The following PLD5 variants were observed in gnomAD, a reference collection of about 807,000 sequenced individuals.
PLD5 encodes inactive phospholipase D5.
In PLD5, 36 loss-of-function variants were observed where a neutral mutation model predicts 61.1. The ratio of observed to expected loss-of-function variants is 0.59; its 90% CI spans 0.45 to 0.78. The LOEUF (loss-of-function observed/expected upper bound fraction) is 0.78, where lower values mean the gene tolerates loss of function less well. Ranked by LOEUF, PLD5 falls within the 30% of genes least tolerant of loss-of-function variation. The probability of loss-of-function intolerance (pLI) is 0.00; values close to 1 mark genes in which losing one functional copy is unlikely to be tolerated. For missense variants in PLD5, 515 were observed against 644.4 expected, an observed-to-expected ratio of 0.80 and a Z score of 2.17; for synonymous variants, 243 against 242.8, an observed-to-expected ratio of 1.00 and a Z score of -0.01.
At chr1:242,297,909 G>A (rs1192354152) in intron 2 of PLD5, among the ~76,000 whole-genome samples, 4 of 152,056 alleles carry the variant, frequency 2.6e-5, no homozygotes, top group African/African-American at 9.7e-5. Context: ...AAAGTGCTGG[G>A]ATTACAGGCG....
intron 5 of PLD5, among the ~76,000 whole-genome samples, chr1:242,212,216 C>T (rs1415697139): frequency 6.6e-6 from 1 of 152,146 alleles, no homozygotes; most frequent in African/African-American, 2.4e-5. Flanking sequence ...GCCTAAGCCC[C>T]CTCCTCCAGT....
At chr1:242,368,766 T>C (rs1661477204) in intron 1 of PLD5, among the ~76,000 whole-genome samples, 1 of 152,222 alleles carries the variant, frequency 6.6e-6, no homozygotes, top group African/African-American at 2.4e-5. Context: ...TTTCCATTGG[T>C]GTAGCTGCAG....
intron 5 of PLD5, among the ~76,000 whole-genome samples, chr1:242,186,161 A>G (rs1158821363): frequency 3.8e-5 from 2 of 52,702 alleles, no homozygotes; most frequent in Non-Finnish European, 6.3e-5. Context: ...GTAAGGAATG[A>G]AGAGAGATAT....
intron 2 of PLD5, among the ~76,000 whole-genome samples, chr1:242,297,915 A>G (rs558039739): frequency 5.6e-4 from 85 of 152,248 alleles, no homozygotes; most frequent in Admixed American, 5.0e-3. Context: ...CTGGGATTAC[A>G]GGCGTGAGCC....
At chr1:242,454,896 A>G (rs1666899294) in intron 1 of PLD5, among the ~76,000 whole-genome samples, 1 of 152,196 alleles carries the variant, frequency 6.6e-6, no homozygotes, top group South Asian at 2.1e-4. Context: ...CCCTGGGACC[A>G]TCTATTTCTT....
chr1:242,341,637 C>G (rs1035666587), intron 2 of PLD5, among the ~76,000 whole-genome samples: 4 of 140,088 alleles, frequency 2.9e-5, no homozygotes, highest in Non-Finnish European at 6.2e-5. Context: ...ATCTAGGACA[C>G]TCCTTATTGG....
rs371385383 is a variant in PLD5, at chr1:242,419,166, G to A, written c.190-70924C>T. Among the ~76,000 whole-genome samples the A allele has an allele frequency of 3.3e-3, 496 of 152,330 alleles. 3 individuals carry two copies. Among genetic ancestry groups the A allele is most frequent in the African/African-American group, 0.011 (451 of 41,570 alleles). ...TAGACCCTCACGCCTCCAGGCGGGT[G>A]TGGCTCATGCTCAGTGTGGAGATGA... On this transcript the variant is annotated intron_variant, in intron 1 of 9. Coordinates refer to ENST00000536534, the MANE Select transcript of PLD5 (RefSeq NM_001372062.1).
intron 1 of PLD5, among the ~76,000 whole-genome samples, chr1:242,420,909 T>C (rs1165793496): frequency 6.6e-6 from 1 of 152,172 alleles, no homozygotes; most frequent in Non-Finnish European, 1.5e-5. Context: ...CCGGGCGCAG[T>C]GGTTCACGCC....
In PLD5 at chr1:242,235,356, T is replaced by C. The variant is rs146945748; in HGVS notation, c.608-15241A>G. ...GGCCTGTGGCCATTCAATTAGGTGATAGAACTAGGGATGAATGTTCAACTT... is the reference window on the plus strand; with the variant it reads ...GGCCTGTGGCCATTCAATTAGGTGACAGAACTAGGGATGAATGTTCAACTT... On this transcript the variant is annotated intron_variant, in intron 4 of 9. Coordinates refer to ENST00000536534, the MANE Select transcript of PLD5 (RefSeq NM_001372062.1). The C allele has an allele frequency of 9.8e-5, 15 of 152,324 alleles. No individual in the cohort carries two copies. The East Asian group carries it at 2.9e-3, about 29-fold the overall frequency. 9.4% of individuals were successfully genotyped at this position (152,324 alleles called of 1,614,324 possible).
At chr1:242,284,500 T>G (rs1157807326) in intron 3 of PLD5, among the ~76,000 whole-genome samples, 1 of 152,150 alleles carries the variant, frequency 6.6e-6, no homozygotes, top group East Asian at 1.9e-4. Flanking sequence ...CTTTTAATGC[T>G]AACCTGTTGT....
chr1:242,512,536 GC>G (rs1668960506), intron 1 of PLD5, among the ~76,000 whole-genome samples: 2 of 152,156 alleles, frequency 1.3e-5, no homozygotes, highest in Non-Finnish European at 2.9e-5. Context: ...TAATGAGCTA[GC>G]AGATTCAGGC....
chr1:242,167,115 T>TAATAATAATAAA (rs571998418), intron 5 of PLD5, among the ~76,000 whole-genome samples: 28 of 135,240 alleles, frequency 2.1e-4, no homozygotes, highest in South Asian at 4.4e-4. Flanking sequence ...ATAATAATAA[T>TAATAATAATAAA]AAATAGTAGC....
intron 3 of PLD5, among the ~76,000 whole-genome samples, chr1:242,267,623 T>C (rs1185089432): frequency 6.6e-6 from 1 of 151,618 alleles, no homozygotes; most frequent in Non-Finnish European, 1.5e-5. Flanking sequence ...CTTATCCTTG[T>C]AATCCCAGTG....
At chr1:242,110,413 C>T (rs780757331) in intron 7 of PLD5, among the ~76,000 whole-genome samples, 13 of 152,108 alleles carry the variant, frequency 8.5e-5, no homozygotes, top group Non-Finnish European at 1.6e-4. Flanking sequence ...TTGTACCATT[C>T]ACACCTCTGT....
intron 1 of PLD5, among the ~76,000 whole-genome samples, chr1:242,436,796 G>T (rs1468872381): frequency 2.0e-5 from 3 of 152,120 alleles, no homozygotes; most frequent in Admixed American, 2.0e-4. Flanking sequence ...TTACAGTTTA[G>T]ACCATCAAGA....
intron 2 of PLD5, among the ~76,000 whole-genome samples, chr1:242,323,003 C>G (rs1166112339): frequency 6.6e-6 from 1 of 152,094 alleles, no homozygotes; most frequent in East Asian, 1.9e-4. Flanking sequence ...TCTCTCTCTC[C>G]CACTAGACAA....
At chr1:242,477,689 G>T (rs1667641538) in intron 1 of PLD5, among the ~76,000 whole-genome samples, 1 of 152,182 alleles carries the variant, frequency 6.6e-6, no homozygotes, top group South Asian at 2.1e-4. Context: ...AGCATTAACT[G>T]GTGGTGCAGA....
intron 1 of PLD5, among the ~76,000 whole-genome samples, chr1:242,470,038 T>A (rs1351135590): frequency 6.6e-6 from 1 of 151,928 alleles, no homozygotes; most frequent in Non-Finnish European, 1.5e-5. Flanking sequence ...ACCAGATGGG[T>A]GCCAAGAAAA....
intron 1 of PLD5, among the ~76,000 whole-genome samples, chr1:242,463,340 C>T (rs763532137): frequency 4.6e-5 from 7 of 152,222 alleles, no homozygotes; most frequent in Non-Finnish European, 1.0e-4. Context: ...GCCTTCAATG[C>T]CTCCAACTCT....
Sources: allele counts gnomAD v4.1 joint callset (sites outside exome capture counted in the v4.1 genomes callset), GRCh38; gene constraint gnomAD v4.1.1; transcripts MANE v1.5; gene names NCBI Gene and HGNC (gene_info 2026-07-23, HGNC 2026-07-21).